Variants in PCDHAC1 observed in about 807,000 individuals in gnomAD.
The protein encoded by PCDHAC1 is protocadherin alpha-C1.
A neutral mutation model predicts 60.0 loss-of-function variants in PCDHAC1; 42 were observed. That is an observed-to-expected ratio of 0.70 (90% confidence interval 0.55 to 0.90). The LOEUF is 0.90. Ranked by LOEUF, PCDHAC1 falls within the 40% of genes least tolerant of loss-of-function variation. PCDHAC1 has a pLI of 0.00. For synonymous variants in PCDHAC1, 468 were observed against 499.3 expected (o/e 0.94, Z 0.84); for missense variants, 1,160 against 1,222.3 (o/e 0.95, Z 0.76).
At position 140,927,598 on chromosome 5, in the gene PCDHAC1, T is replaced by G. The variant is rs2084398863; in HGVS notation, c.706T>G (p.Ser236Ala). The stretch of plus-strand genomic sequence containing the variant: ...TGACAACGCGCCTGTATTTGAGCGC[T>G]CCGTATACCGCACCAAGGTTCCAGA... ...TNDNAPVFER[S>A]VYRTKVPETA... Residue 236 changes from serine (S) to alanine (A), a missense_variant, in exon 1 of 4, where the codon TCC (serine) becomes GCC (alanine). This residue lies in a region of PCDHAC1 where 1,113 missense variants were observed against 1,163.7 expected (regional missense o/e 0.96). Transcript: ENST00000253807. The G allele has an allele frequency of 6.2e-7, 1 of 1,614,046 alleles. No individual in the cohort carries two copies. Among genetic ancestry groups the G allele is most frequent in the African/African-American group, 1.3e-5 (1 of 74,924 alleles).
intron 1 of PCDHAC1, among the ~76,000 whole-genome samples, chr5:140,950,273 T>G (rs1218178621): frequency 6.6e-5 from 10 of 152,008 alleles, no homozygotes; most frequent in African/African-American, 1.9e-4. Flanking sequence ...CCATAATGTC[T>G]TTTTGCTTCA....
intron 1 of PCDHAC1, among the ~76,000 whole-genome samples, chr5:140,974,630 A>G (rs1252889789): frequency 6.7e-6 from 1 of 149,794 alleles, no homozygotes; most frequent in Non-Finnish European, 1.5e-5. Context: ...TCCTGCCTCA[A>G]CCTCCCGAGT....
chr5:140,956,644 C>G (rs2095298403), intron 1 of PCDHAC1, among the ~76,000 whole-genome samples: 1 of 152,096 alleles, frequency 6.6e-6, no homozygotes, highest in Non-Finnish European at 1.5e-5. Flanking sequence ...GTTTTGGTAT[C>G]AGGATGATGC....
intron 1 of PCDHAC1, chr5:140,930,291 C>G (rs529065220): frequency 2.0e-5 from 3 of 152,094 alleles, no homozygotes; most frequent in Non-Finnish European, 4.4e-5. Flanking sequence ...ATACACTTAA[C>G]AAATAAGTAA....
At chr5:140,986,231 C>A (rs2097191592) in intron 3 of PCDHAC1, among the ~76,000 whole-genome samples, 1 of 152,210 alleles carries the variant, frequency 6.6e-6, no homozygotes, top group African/African-American at 2.4e-5. Context: ...AGCCTCCCCT[C>A]TGTGTGAGCA....
At chr5:140,939,060 A>G (rs1435006375) in intron 1 of PCDHAC1, among the ~76,000 whole-genome samples, 1 of 152,208 alleles carries the variant, frequency 6.6e-6, no homozygotes, top group Non-Finnish European at 1.5e-5. Flanking sequence ...TTGGGCTGCT[A>G]TATCAAAATA....
At chr5:140,947,238 A>G (rs1252869330) in intron 1 of PCDHAC1, among the ~76,000 whole-genome samples, 2 of 151,618 alleles carry the variant, frequency 1.3e-5, no homozygotes, top group Non-Finnish European at 3.0e-5. Flanking sequence ...GGAAAAAAAA[A>G]TAAGATAATC....
chr5:140,927,607 C>T lies in PCDHAC1; in HGVS notation c.715C>T (p.Arg239Cys). The T allele has an allele frequency of 1.2e-6, 2 of 1,614,180 alleles. No individual in the cohort carries two copies. The highest frequency in any genetic ancestry group is 8.5e-7 in the Non-Finnish European group (1 of 1,180,022). Residue 239 changes from arginine to cysteine, a missense_variant, in exon 1 of 4, where the codon CGC becomes TGC. Transcript: ENST00000253807. The part of the protein sequence containing the change: ...NAPVFERSVY[R>C]TKVPETAPNG... ...GCCTGTATTTGAGCGCTCCGTATAC[C>T]GCACCAAGGTTCCAGAGACTGCACC...
At chr5:140,933,663 C>G (rs1340033934) in intron 1 of PCDHAC1, among the ~76,000 whole-genome samples, 4 of 152,128 alleles carry the variant, frequency 2.6e-5, no homozygotes, top group African/African-American at 7.2e-5. Context: ...GTCTCTCTCT[C>G]TGTCTCTCTC....
At chr5:140,988,600 T>C (rs962869761) in intron 3 of PCDHAC1, among the ~76,000 whole-genome samples, 15 of 152,214 alleles carry the variant, frequency 9.9e-5, no homozygotes, top group Non-Finnish European at 1.8e-4. Context: ...AATGGTCATG[T>C]AAATAAAAGA....
rs943373745 is a variant in PCDHAC1 at position 140,935,260 on chromosome 5, G to A, written c.2433+5935G>A. Among the ~76,000 whole-genome samples the A allele has an allele frequency of 3.3e-5, 5 of 152,168 alleles. No individual in the cohort carries two copies. In the South Asian group the frequency reaches 8.3e-4, roughly 25 times the overall value. On this transcript the variant is annotated intron_variant, in intron 1 of 3. Transcript: ENST00000253807. ...TTTTAAAAGATAAAATACATCACAT[G>A]TTTATACTAATCTAATAAAGTTCAG... is the stretch of plus-strand genomic sequence containing the variant.
chr5:141,006,974 G>A (rs782657772), intron 3 of PCDHAC1, among the ~76,000 whole-genome samples: 6 of 152,174 alleles, frequency 3.9e-5, no homozygotes, highest in Admixed American at 3.9e-4. Context: ...GGAGCACAGA[G>A]AGATGTGGGC....
intron 1 of PCDHAC1, among the ~76,000 whole-genome samples, chr5:140,959,609 T>A (rs2095500700): frequency 6.6e-6 from 1 of 152,184 alleles, no homozygotes; most frequent in South Asian, 2.1e-4. Flanking sequence ...ATGCTTTTCT[T>A]GCTTGTGATA....
At chr5:140,967,306 C>G (rs1554229415) in intron 1 of PCDHAC1, 2 of 1,612,350 alleles carry the variant, frequency 1.2e-6, no homozygotes, top group African/African-American at 2.7e-5. Flanking sequence ...TGGGCGCCAA[C>G]TCAGTACAGA....
chr5:140,989,925 T>G (rs2097366658), intron 3 of PCDHAC1, among the ~76,000 whole-genome samples: 1 of 151,810 alleles, frequency 6.6e-6, no homozygotes, highest in South Asian at 2.1e-4. Context: ...AGAGCAGAGA[T>G]AGATGACATT....
chr5:140,929,246 C>A lies in PCDHAC1; in HGVS notation c.2354C>A (p.Thr785Asn). 6.2e-7 allele frequency: 1 copy of A among 1,613,738 alleles called. No homozygotes were observed. Among genetic ancestry groups the A allele is most frequent in the Non-Finnish European group, 8.5e-7 (1 of 1,179,762 alleles). The change falls in exon 1 of 4, where the codon ACT (threonine) becomes AAT (asparagine). Residue 785 changes from threonine to asparagine, a missense_variant. Around this residue, in one of 3 missense-constraint regions of PCDHAC1, gnomAD observed 1,113 missense variants for 1,163.7 expected, o/e 0.96. Transcript: ENST00000253807. ...GCTGCCGACCTGCGAAATCTTGCCA[C>A]TGGGGTAGGACTGAATTTGCCAATA... ...YNAADLRNLATGVGLNLPISC... is the reference protein window; with the variant it reads ...YNAADLRNLANGVGLNLPISC...
intron 1 of PCDHAC1, among the ~76,000 whole-genome samples, chr5:140,943,664 T>G (rs1404337303): frequency 6.6e-6 from 1 of 151,998 alleles, no homozygotes; most frequent in Non-Finnish European, 1.5e-5. Flanking sequence ...GAACAATGTA[T>G]AAAGTGTGAA....
At chr5:140,969,304 C>CA in intron 1 of PCDHAC1, 3 of 1,614,160 alleles carry the variant, frequency 1.9e-6, no homozygotes, top group Non-Finnish European at 2.5e-6. Flanking sequence ...TGATTATTCT[C>CA]AAAAATGAGG....
At chr5:140,942,949 G>A (rs1183072564) in intron 1 of PCDHAC1, among the ~76,000 whole-genome samples, 10 of 151,942 alleles carry the variant, frequency 6.6e-5, no homozygotes, top group Admixed American at 1.3e-4. Flanking sequence ...AAGTGTAGAC[G>A]TTCTGTTATC....
Sources: allele counts gnomAD v4.1 joint callset (sites outside exome capture counted in the v4.1 genomes callset), GRCh38; gene constraint gnomAD v4.1.1; regional missense constraint gnomAD v4.1.1; transcripts MANE v1.5; gene names NCBI Gene and HGNC (gene_info 2026-07-23, HGNC 2026-07-21).